The following FNIP2 variants were observed in gnomAD, a reference collection of about 807,000 sequenced individuals.
FNIP2 encodes the protein folliculin-interacting protein 2.
In FNIP2, 32 loss-of-function variants were observed where a neutral mutation model predicts 108.7. The observed-to-expected ratio is 0.29, with a 90% CI of 0.22 to 0.40. The LOEUF is 0.40. FNIP2 is among the 10% of genes least tolerant of loss of function. The pLI, the probability that FNIP2 is intolerant of heterozygous loss-of-function variation, is 1.00. For missense variants in FNIP2, 1,202 were observed against 1,381.6 expected, an observed-to-expected ratio of 0.87 and a Z score of 2.06; for synonymous variants, 480 against 496.7, an observed-to-expected ratio of 0.97 and a Z score of 0.45.
rs1170191991 is a variant in FNIP2, at chr4:158,868,870, G to A, written c.2234G>A (p.Cys745Tyr). Residue 745 changes from cysteine to tyrosine, a missense_variant, in exon 13 of 17, where the codon TGT (cysteine) becomes TAT (tyrosine). Transcript: ENST00000264433. The surrounding 1 kb of genome is among the most constrained non-coding windows in gnomAD (Gnocchi z 4.6). ...MKKMEERVKA[C>Y]GPSLEASEAA... ...AAAATGGAGGAACGGGTGAAGGCCT[G>A]TGGCCCCTCCTTGGAGGCCAGTGAG... The A allele has an allele frequency of 4.3e-6, 7 of 1,613,890 alleles. No individual in the cohort carries two copies. The highest frequency in any genetic ancestry group is 2.7e-5 in the African/African-American group (2 of 74,944).
chr4:158,837,432 G>C (rs1252242629), intron 7 of FNIP2, among the ~76,000 whole-genome samples: 1 of 152,160 alleles, frequency 6.6e-6, no homozygotes, highest in African/African-American at 2.4e-5. Context: ...CAGGGAATTT[G>C]AGGGACCTAA....
intron 14 of FNIP2, among the ~76,000 whole-genome samples, chr4:158,877,638 A>T (rs1781357761): frequency 6.6e-6 from 1 of 152,256 alleles, no homozygotes; most frequent in South Asian, 2.1e-4. Context: ...GGTGGTCGAG[A>T]TAACTCGTGT....
At chr4:158,770,638 G>T (rs1775666381) in intron 1 of FNIP2, among the ~76,000 whole-genome samples, 2 of 152,056 alleles carry the variant, frequency 1.3e-5, no homozygotes, top group South Asian at 4.1e-4. Context: ...GTTTTCTTTA[G>T]GCTAACAAGC....
At chr4:158,798,867 A>T (rs903272090) in intron 1 of FNIP2, among the ~76,000 whole-genome samples, 1 of 152,262 alleles carries the variant, frequency 6.6e-6, no homozygotes, top group Non-Finnish European at 1.5e-5. Flanking sequence ...GTATGATGCC[A>T]TTTACAGTAG....
At chr4:158,850,764 A>G (rs1779653177) in intron 7 of FNIP2, among the ~76,000 whole-genome samples, 1 of 151,008 alleles carries the variant, frequency 6.6e-6, no homozygotes, top group South Asian at 2.1e-4. Context: ...AGGAGGAAAT[A>G]TGTGTAAAGT....
At chr4:158,887,773 A>AAATTGAAT (rs1782098459) in intron 14 of FNIP2, among the ~76,000 whole-genome samples, 1 of 149,000 alleles carries the variant, frequency 6.7e-6, no homozygotes, top group South Asian at 2.1e-4. Context: ...GAGGAATGTT[A>AAATTGAAT]AATTGAATTC....
chr4:158,826,859 T>C (rs1246739775), intron 2 of FNIP2, among the ~76,000 whole-genome samples: 2 of 152,232 alleles, frequency 1.3e-5, no homozygotes, highest in Non-Finnish European at 2.9e-5. Context: ...AATCCACTTG[T>C]ATTCATTCTT....
At position 158,882,486 on chromosome 4, in the gene FNIP2, G is replaced by A. The variant is rs986214680; in HGVS notation, c.2950-8960G>A. On this transcript the variant is annotated intron_variant, in intron 14 of 16. Transcript: ENST00000264433. ...AGCCCCTCTGCCTGGCCGCCACCCC[G>A]TCTGGGAGGTGTACCCAACAGCTCA... is the stretch of plus-strand genomic sequence containing the variant. Among the ~76,000 whole-genome samples, 7 of 152,346 alleles carry A rather than the reference G, an allele frequency of 4.6e-5. 1 individual carries two copies. Among genetic ancestry groups the A allele is most frequent in the South Asian group, 4.1e-4 (2 of 4,832 alleles).
intron 14 of FNIP2, chr4:158,872,728 G>GA: frequency 1.0e-6 from 1 of 980,668 alleles, no homozygotes; most frequent in Non-Finnish European, 1.2e-6. Flanking sequence ...TCTGGTCTAT[G>GA]GTAGTGTTTT....
At chr4:158,784,819 G>A (rs1466628600) in intron 1 of FNIP2, among the ~76,000 whole-genome samples, 39 of 152,164 alleles carry the variant, frequency 2.6e-4, no homozygotes, top group African/African-American at 4.8e-5. Flanking sequence ...GTACCAGTCC[G>A]TGACCCAGGG....
intron 16 of FNIP2, among the ~76,000 whole-genome samples, chr4:158,896,339 C>T (rs1364524732): frequency 2.0e-5 from 3 of 152,106 alleles, no homozygotes; most frequent in Non-Finnish European, 4.4e-5. Flanking sequence ...GCTTTCCTTC[C>T]TTTATTATAA....
chr4:158,858,070 A>G (rs1384025918), intron 8 of FNIP2, among the ~76,000 whole-genome samples: 2 of 152,218 alleles, frequency 1.3e-5, no homozygotes, highest in Admixed American at 6.5e-5. Flanking sequence ...CCCTAAGTAA[A>G]TAAGTTGAAG....
chr4:158,830,887 A>G (rs1778446639), intron 3 of FNIP2, among the ~76,000 whole-genome samples: 1 of 152,216 alleles, frequency 6.6e-6, no homozygotes, highest in African/African-American at 2.4e-5. Context: ...CAAGACACTC[A>G]TTCAGATGTC....
At chr4:158,840,634 G>A (rs1358718215) in intron 7 of FNIP2, among the ~76,000 whole-genome samples, 1 of 152,154 alleles carries the variant, frequency 6.6e-6, no homozygotes, top group African/African-American at 2.4e-5. Flanking sequence ...GACCTCAGGT[G>A]ATTCACCCAC....
chr4:158,791,266 C>CTTTTTTTTTTTTTTTTTTTTTTTTTTT (rs199714823), intron 1 of FNIP2, among the ~76,000 whole-genome samples: 6 of 98,050 alleles, frequency 6.1e-5, no homozygotes, highest in African/African-American at 1.2e-4. Flanking sequence ...ACTGAGGATC[C>CTTTTTTTTTTTTTTTTTTTTTTTTTTT]TTTTTTTTTT....
intron 1 of FNIP2, chr4:158,806,377 C>G: frequency 7.8e-7 from 1 of 1,289,382 alleles, no homozygotes; most frequent in Non-Finnish European, 1.0e-6. Flanking sequence ...GATTAAAAAA[C>G]ACACCGGAGT....
At chr4:158,850,261 G>T (rs577653549) in intron 7 of FNIP2, among the ~76,000 whole-genome samples, 6 of 152,190 alleles carry the variant, frequency 3.9e-5, no homozygotes, top group Non-Finnish European at 7.4e-5. Context: ...AATGTTGACT[G>T]GCCATCTGTA....
At chr4:158,810,364 ACT>A (rs1371963334) in intron 1 of FNIP2, among the ~76,000 whole-genome samples, 15 of 151,944 alleles carry the variant, frequency 9.9e-5, no homozygotes, top group African/African-American at 3.4e-4. Context: ...GTTGGGTGTG[ACT>A]CTGATGGGTT....
chr4:158,889,729 T>G (rs1782191324), intron 14 of FNIP2: 1 of 712,758 alleles, frequency 1.4e-6, no homozygotes, highest in Non-Finnish European at 1.7e-6. Flanking sequence ...GACCAGCATG[T>G]TGTGGATTTC....
Sources: gnomAD v4.1 joint callset for allele counts (sites outside exome capture counted in the v4.1 genomes callset) on GRCh38, gnomAD v4.1.1 for gene constraint, Gnocchi (gnomAD v3.1) non-coding constraint, MANE v1.5 for transcripts, NCBI Gene and HGNC (gene_info 2026-07-23, HGNC 2026-07-21) for gene names.